KCNK10: variants seen among roughly 807,000 people sequenced by gnomAD.
The protein encoded by KCNK10 is potassium channel subfamily K member 10.
KCNK10 carries 25 observed loss-of-function variants against 47.7 expected under a neutral mutation model. The ratio of observed to expected loss-of-function variants is 0.52; its 90% CI spans 0.38 to 0.73. KCNK10 has a LOEUF of 0.73. Ranked by LOEUF, KCNK10 falls within the 30% of genes least tolerant of loss-of-function variation. The pLI is 0.00. For missense variants in KCNK10, 563 were observed against 714.5 expected (o/e 0.79, Z 2.42); for synonymous variants, 303 against 285.6 (o/e 1.06, Z -0.61).
intron 5 of KCNK10, 83 bp downstream of exon 5, chr14:88,192,141 T>C (rs996863377): frequency 5.3e-6 from 7 of 1,323,494 alleles, no homozygotes; most frequent in Non-Finnish European, 7.3e-6. Flanking sequence ...TCCCGCAACA[T>C]CTTTTATCGA....
chr14:88,244,286 T>G (rs1357082528), intron 2 of KCNK10, among the ~76,000 whole-genome samples: 3 of 152,244 alleles, frequency 2.0e-5, no homozygotes, highest in Admixed American at 2.0e-4. Context: ...TTTACAGTTC[T>G]AATTTTTATT....
intron 2 of KCNK10, among the ~76,000 whole-genome samples, chr14:88,250,178 C>A (rs2139902454): frequency 6.6e-6 from 1 of 152,238 alleles, no homozygotes; most frequent in African/African-American, 2.4e-5. Context: ...ATGCCAATTT[C>A]CATTACCTCT....
intron 1 of KCNK10, among the ~76,000 whole-genome samples, chr14:88,310,767 C>T (rs1179309439): frequency 1.3e-5 from 2 of 152,068 alleles, no homozygotes; most frequent in Non-Finnish European, 2.9e-5. Context: ...AGGAGAAATA[C>T]CCCAATGTTA....
intron 4 of KCNK10, among the ~76,000 whole-genome samples, chr14:88,197,347 C>T (rs1251088940): frequency 6.6e-6 from 1 of 151,778 alleles, no homozygotes; most frequent in Non-Finnish European, 1.5e-5. Flanking sequence ...CCCAGCTCTT[C>T]AGGAGGCTGA....
At chr14:88,234,547 C>T (rs991146170) in intron 3 of KCNK10, among the ~76,000 whole-genome samples, 1 of 152,182 alleles carries the variant, frequency 6.6e-6, no homozygotes, top group African/African-American at 2.4e-5. Flanking sequence ...CAAAACTGTG[C>T]CTCAGAGGAA....
chr14:88,300,901 C>T (rs1375744799), intron 1 of KCNK10, among the ~76,000 whole-genome samples: 1 of 152,052 alleles, frequency 6.6e-6, no homozygotes, highest in Non-Finnish European at 1.5e-5. Flanking sequence ...ATTAGGCTTC[C>T]TTTTCTCAAT....
chr14:88,214,910 C>T (rs1885570950), intron 4 of KCNK10, among the ~76,000 whole-genome samples: 1 of 152,138 alleles, frequency 6.6e-6, no homozygotes, highest in South Asian at 2.1e-4. Context: ...AGATGCTATG[C>T]CTACATTGCA....
intron 4 of KCNK10, among the ~76,000 whole-genome samples, chr14:88,196,166 T>C (rs867707056): frequency 2.0e-5 from 3 of 152,210 alleles, no homozygotes; most frequent in African/African-American, 7.2e-5. Flanking sequence ...TGCAAAACTA[T>C]CTCCCGTATC....
chr14:88,196,122 A>G (rs113541670), intron 4 of KCNK10, among the ~76,000 whole-genome samples: 11 of 152,354 alleles, frequency 7.2e-5, no homozygotes, highest in African/African-American at 2.2e-4. Context: ...ACTAGAGCGC[A>G]TGTTCTTCCC....
intron 2 of KCNK10, among the ~76,000 whole-genome samples, chr14:88,251,824 T>C (rs1022400369): frequency 1.3e-5 from 2 of 152,162 alleles, no homozygotes; most frequent in Non-Finnish European, 2.9e-5. Flanking sequence ...TTTGGCCACA[T>C]TTGCTCACTT....
intron 4 of KCNK10, among the ~76,000 whole-genome samples, chr14:88,209,217 A>G (rs969907816): frequency 5.3e-5 from 8 of 152,194 alleles, no homozygotes; most frequent in Non-Finnish European, 8.8e-5. Flanking sequence ...TAACACTTTG[A>G]TGCATTTTTA....
chr14:88,213,783 TA>T (rs36101714), intron 4 of KCNK10, among the ~76,000 whole-genome samples: 43,478 of 151,684 alleles, frequency 0.29, 6,580 homozygotes, highest in Non-Finnish European at 0.34. Context: ...AGGAAAGAGC[TA>T]AAATGGCTCT....
chr14:88,306,751 G>A, intron 1 of KCNK10, among the ~76,000 whole-genome samples: 1 of 152,128 alleles, frequency 6.6e-6, no homozygotes, highest in East Asian at 1.9e-4. Context: ...ATCTATTATT[G>A]AAGACAACAC....
At chr14:88,189,383 T>C (rs1463342822) in intron 5 of KCNK10, among the ~76,000 whole-genome samples, 1 of 152,224 alleles carries the variant, frequency 6.6e-6, no homozygotes, top group Non-Finnish European at 1.5e-5. Context: ...GGATACGATC[T>C]GAGTTCCCGC....
At chr14:88,267,426 A>G (rs1432567746) in intron 1 of KCNK10, among the ~76,000 whole-genome samples, 1 of 149,950 alleles carries the variant, frequency 6.7e-6, no homozygotes, top group East Asian at 2.0e-4. Flanking sequence ...GCTGGAGTGC[A>G]GTGGCACAAT....
chr14:88,322,852 T>A lies in KCNK10; in HGVS notation c.-54A>T, dbSNP rs563368264. The A allele has an allele frequency of 2.3e-5, 37 of 1,613,368 alleles. No homozygotes were observed. The South Asian group carries it at 4.1e-4, about 18-fold the overall frequency. On this transcript the variant is annotated 5_prime_UTR_variant, in exon 1 of 7. Transcript: ENST00000319231. This position sits in a 1 kb window ranked among gnomAD's most constrained non-coding sequence, Gnocchi z 4.8. ...GAAAAGAACCCAAATAATAATAAAGTCCTCAAGCTTTACACGCCTCGGTTT... is the reference window on the plus strand; with the variant it reads ...GAAAAGAACCCAAATAATAATAAAGACCTCAAGCTTTACACGCCTCGGTTT...
rs745399069 is a variant in KCNK10 at position 88,187,984 on chromosome 14, T to G, written c.994A>C (p.Lys332Gln). 1 of 1,614,122 alleles carries G rather than the reference T, an allele frequency of 6.2e-7. No individual in the cohort carries two copies. The highest frequency in any genetic ancestry group is 1.1e-5 in the South Asian group (1 of 91,072). Reference protein sequence around the residue: ...MIGDWLRVLSKKTKEEVGEIK... With the variant: ...MIGDWLRVLSQKTKEEVGEIK... ...GGTCCTACCTCTTCTTTTGTCTTTTTGGACAGAACCCGTAGCCAATCTCCG... is the reference window on the plus strand; with the variant it reads ...GGTCCTACCTCTTCTTTTGTCTTTTGGGACAGAACCCGTAGCCAATCTCCG... The change falls in exon 6 of 7, where the codon AAA becomes CAA. Residue 332 changes from lysine to glutamine, a missense_variant. Lys to Gln is a moderately conservative substitution (Grantham distance 53, BLOSUM62 1). Transcript: ENST00000319231.
chr14:88,324,738 C>T (rs893023999), upstream of KCNK10, among the ~76,000 whole-genome samples: 1 of 152,176 alleles, frequency 6.6e-6, no homozygotes, highest in African/African-American at 2.4e-5. Context: ...CAGCTGATCT[C>T]TAAGTTGCAT....
rs1002322233 is a variant in KCNK10, at chr14:88,198,958, C to T, written c.682-6548G>A. Among the ~76,000 whole-genome samples the T allele has an allele frequency of 8.7e-5, 7 of 80,338 alleles. No homozygotes were observed. The East Asian group carries it at 2.4e-3, about 27-fold the overall frequency. 52.7% of individuals were successfully genotyped at this position (80,338 alleles called of 152,430 possible). A position where few individuals can be genotyped will look rare whatever the true frequency, so the allele number is the denominator to read the frequency against. ...TTTTTGAGGCAGAGTCTCACTTTGTCGCCCAGGCTGGAGTGCAGTGGCGCA... is the reference window on the plus strand; with the variant it reads ...TTTTTGAGGCAGAGTCTCACTTTGTTGCCCAGGCTGGAGTGCAGTGGCGCA... On this transcript the variant is annotated intron_variant, in intron 4 of 6. Transcript: ENST00000319231.
Sources: gnomAD v4.1 joint callset for allele counts (sites outside exome capture counted in the v4.1 genomes callset) on GRCh38, gnomAD v4.1.1 for gene constraint, Gnocchi (gnomAD v3.1) non-coding constraint, MANE v1.5 for transcripts, NCBI Gene and HGNC (gene_info 2026-07-23, HGNC 2026-07-21) for gene names.